Variants in RAB23 observed in about 807,000 individuals in gnomAD.
RAB23 encodes the protein ras-related protein Rab-23.
RAB23 carries 15 observed loss-of-function variants against 30.0 expected under a neutral mutation model. The observed-to-expected ratio is 0.50, with a 90% CI of 0.33 to 0.77. RAB23 has a LOEUF of 0.77. RAB23 is among the 30% of genes least tolerant of loss of function. The pLI, the probability that RAB23 is intolerant of heterozygous loss-of-function variation, is 0.02. For synonymous variants in RAB23, 93 were observed against 94.0 expected, an observed-to-expected ratio of 0.99 and a Z score of 0.06; for missense variants, 243 against 275.4, an observed-to-expected ratio of 0.88 and a Z score of 0.83.
chr6:57,188,498 C>T lies in RAB23; in HGVS notation c.*1963G>A, dbSNP rs1029534273. 28 of 152,016 alleles carry T rather than the reference C, an allele frequency of 1.8e-4. No homozygotes were observed. Among genetic ancestry groups the T allele is most frequent in the African/African-American group, 6.5e-4 (27 of 41,384 alleles). The allele number at this position is 152,016 out of a possible 1,614,324, so 9.4% of individuals were successfully genotyped here. A position where few individuals can be genotyped will look rare whatever the true frequency, so the allele number is the denominator to read the frequency against. ...ACATGAAAAAGAACTAACTAGAACA[C>T]ATATAACAAGTGATTTTTCTGCCAA... On this transcript the variant is annotated 3_prime_UTR_variant, in exon 7 of 7. Coordinates refer to ENST00000468148, the MANE Select transcript of RAB23 (RefSeq NM_016277.5).
intron 3 of RAB23, among the ~76,000 whole-genome samples, chr6:57,206,901 C>T (rs1765474893): frequency 6.6e-6 from 1 of 152,162 alleles, no homozygotes; most frequent in Non-Finnish European, 1.5e-5. Context: ...GTATTAAATA[C>T]CTGTCAATAT....
intron 1 of RAB23, among the ~76,000 whole-genome samples, chr6:57,219,132 T>TGC (rs1765957591): frequency 6.6e-6 from 1 of 152,242 alleles, no homozygotes; most frequent in Non-Finnish European, 1.5e-5. Context: ...CTAATGAGTT[T>TGC]AGCAAAGTCA....
intron 1 of RAB23, among the ~76,000 whole-genome samples, chr6:57,214,456 C>A (rs1765764548): frequency 6.6e-6 from 1 of 152,100 alleles, no homozygotes; most frequent in Non-Finnish European, 1.5e-5. Context: ...GCGCACACCA[C>A]CACGCCTGGC....
At chr6:57,219,429 T>TTCAA (rs1355659135) in intron 1 of RAB23, among the ~76,000 whole-genome samples, 2 of 152,166 alleles carry the variant, frequency 1.3e-5, no homozygotes, top group East Asian at 3.8e-4. Context: ...GTAATACAAT[T>TTCAA]TCAATCAAAG....
intron 3 of RAB23, among the ~76,000 whole-genome samples, chr6:57,198,854 A>G (rs1285570180): frequency 3.3e-5 from 5 of 152,210 alleles, no homozygotes; most frequent in African/African-American, 1.2e-4. Flanking sequence ...TATGATGGAA[A>G]AAAAACCCCA....
At chr6:57,198,842 T>C (rs1337588295) in intron 3 of RAB23, among the ~76,000 whole-genome samples, 1 of 151,846 alleles carries the variant, frequency 6.6e-6, no homozygotes, top group East Asian at 1.9e-4. Context: ...AGAGGAAGCA[T>C]ATATGATGGA....
chr6:57,214,529 C>G (rs1765767393), intron 1 of RAB23, among the ~76,000 whole-genome samples: 1 of 152,096 alleles, frequency 6.6e-6, no homozygotes, highest in Non-Finnish European at 1.5e-5. Context: ...GTCTCAAACT[C>G]CTGGGCTCAA....
At chr6:57,210,019 G>GA (rs930780392) in intron 2 of RAB23, among the ~76,000 whole-genome samples, 5 of 114,956 alleles carry the variant, frequency 4.3e-5, no homozygotes, top group African/African-American at 6.5e-5. Context: ...AGTAGAAAAA[G>GA]AAAAAAAAAT....
intron 3 of RAB23, among the ~76,000 whole-genome samples, chr6:57,203,766 C>T (rs1016383957): frequency 3.3e-5 from 5 of 152,104 alleles, no homozygotes; most frequent in South Asian, 2.1e-4. Flanking sequence ...ACTCCAAGAA[C>T]GGCTTGGGGT....
chr6:57,202,865 A>G (rs1765315452), intron 3 of RAB23, among the ~76,000 whole-genome samples: 3 of 152,106 alleles, frequency 2.0e-5, no homozygotes, highest in Admixed American at 6.5e-5. Context: ...TCTTTAATTC[A>G]TATTGTATTG....
At position 57,188,752 on chromosome 6, in the gene RAB23, C is replaced by G. The variant is rs1027866017; in HGVS notation, c.*1709G>C. On this transcript the variant is annotated 3_prime_UTR_variant, in exon 7 of 7. Coordinates refer to ENST00000468148, the MANE Select transcript of RAB23 (RefSeq NM_016277.5). ...TACATTACTGTGAAATAGATAATGC[C>G]AGATCATTTCAATATAATGAAAAGC... 1.3e-5 allele frequency: 2 copies of G among 152,106 alleles called. No individual in the cohort carries two copies. Among genetic ancestry groups the G allele is most frequent in the Non-Finnish European group, 2.9e-5 (2 of 68,016 alleles). The allele number at this position is 152,106 out of a possible 1,614,324, so 9.4% of individuals were successfully genotyped here. A position where few individuals can be genotyped will look rare whatever the true frequency, so the allele number is the denominator to read the frequency against.
At chr6:57,203,081 A>C (rs1449638127) in intron 3 of RAB23, among the ~76,000 whole-genome samples, 1 of 135,734 alleles carries the variant, frequency 7.4e-6, no homozygotes, top group Non-Finnish European at 1.5e-5. Context: ...ATCTCGGCTC[A>C]CTGCAGCCTC....
At chr6:57,200,536 CAAAAAAAAA>C (rs989178921) in intron 3 of RAB23, among the ~76,000 whole-genome samples, 25 of 42,666 alleles carry the variant, frequency 5.9e-4, no homozygotes, top group Middle Eastern at 0.012. Context: ...GACTCTGTCT[CAAAAAAAAA>C]AAAAAAAAAA....
chr6:57,196,458 A>G lies in RAB23; in HGVS notation c.390T>C (p.Cys130=), dbSNP rs2127998627. ...QNKIDLLDDS[C]IKNEEAEALA... is the part of the protein sequence containing the mutation. ...AAAAGTAGCCATCTTACTTCTTTAT[A>G]CAAGAATCATCCAGAAGATCAATCT... is the stretch of plus-strand genomic sequence containing the variant. Residue 130 remains cysteine (C), a synonymous_variant, in exon 4 of 7, where the codon TGT becomes TGC. Coordinates refer to ENST00000468148, the MANE Select transcript of RAB23 (RefSeq NM_016277.5). 2 of 1,614,012 alleles carry G rather than the reference A, an allele frequency of 1.2e-6. No individual in the cohort carries two copies. Among genetic ancestry groups the G allele is most frequent in the Non-Finnish European group, 1.7e-6 (2 of 1,179,952 alleles).
chr6:57,211,317 G>C lies in RAB23; in HGVS notation c.-65-872C>G, dbSNP rs577783207. On this transcript the variant is annotated intron_variant, in intron 1 of 6. Coordinates refer to ENST00000468148, the MANE Select transcript of RAB23 (RefSeq NM_016277.5). ...AAAAATAAAATAAAATAAATTAGCC[G>C]AGTGTAGTGGTGCATGCCTGTCGTC... Among the ~76,000 whole-genome samples the C allele has an allele frequency of 3.4e-4, 52 of 152,116 alleles. 1 individual carries two copies. Among genetic ancestry groups the C allele is most frequent in the African/African-American group, 1.2e-3 (51 of 41,516 alleles).
chr6:57,210,969 A>G (rs926860566), intron 1 of RAB23, among the ~76,000 whole-genome samples: 18 of 152,386 alleles, frequency 1.2e-4, no homozygotes, highest in African/African-American at 3.8e-4. Context: ...ACATGATGCC[A>G]TAAGGGAAAA....
intron 1 of RAB23, among the ~76,000 whole-genome samples, chr6:57,217,635 T>C (rs1187258311): frequency 6.6e-6 from 1 of 152,098 alleles, no homozygotes; most frequent in Non-Finnish European, 1.5e-5. Context: ...GAGCGCTAAA[T>C]GCTTACTTTG....
chr6:57,205,790 G>A (rs1765436691), intron 3 of RAB23, among the ~76,000 whole-genome samples: 1 of 152,214 alleles, frequency 6.6e-6, no homozygotes, highest in African/African-American at 2.4e-5. Context: ...CAGTTGTAAA[G>A]TCCTGTGTAT....
At chr6:57,201,984 T>C (rs1765286000) in intron 3 of RAB23, among the ~76,000 whole-genome samples, 1 of 152,208 alleles carries the variant, frequency 6.6e-6, no homozygotes, top group Non-Finnish European at 1.5e-5. Context: ...TAAGCCAGCA[T>C]TCCAAGTCCA....
Sources: allele counts gnomAD v4.1 joint callset (sites outside exome capture counted in the v4.1 genomes callset), GRCh38; gene constraint gnomAD v4.1.1; transcripts MANE v1.5; gene names NCBI Gene and HGNC (gene_info 2026-07-23, HGNC 2026-07-21).